Variants in SLC4A4 observed in about 807,000 individuals in gnomAD.
SLC4A4 encodes electrogenic sodium bicarbonate cotransporter 1.
Under a neutral mutation model 111.5 loss-of-function variants are expected in SLC4A4, and 27 were observed. The ratio of observed to expected loss-of-function variants is 0.24; its 90% confidence interval spans 0.18 to 0.33. The LOEUF is 0.33. Among genes scored for constraint, SLC4A4 ranks in the 10% least tolerant of loss-of-function variants. The probability of loss-of-function intolerance (pLI) is 1.00; values close to 1 mark genes in which losing one functional copy is unlikely to be tolerated. For synonymous variants in SLC4A4, 443 were observed against 463.4 expected, an observed-to-expected ratio of 0.96 and a Z score of 0.57; for missense variants, 909 against 1,315.5, an observed-to-expected ratio of 0.69 and a Z score of 4.78.
chr4:71,422,649 G>T (rs1722660447), intron 7 of SLC4A4, among the ~76,000 whole-genome samples: 1 of 151,706 alleles, frequency 6.6e-6, no homozygotes. Context: ...GTGATCAAGT[G>T]GGCTTCATCC....
intron 1 of SLC4A4, among the ~76,000 whole-genome samples, chr4:71,088,929 T>A (rs1386577364): frequency 6.6e-5 from 10 of 152,004 alleles, no homozygotes; most frequent in Admixed American, 3.9e-4. Flanking sequence ...TTCTTTGTAT[T>A]TCCTGAATTT....
At chr4:71,425,125 G>A (rs1438841994) in intron 7 of SLC4A4, among the ~76,000 whole-genome samples, 3 of 152,080 alleles carry the variant, frequency 2.0e-5, no homozygotes, top group African/African-American at 2.4e-5. Flanking sequence ...GGAATGTTGA[G>A]GTGTGTTTAA....
intron 16 of SLC4A4, among the ~76,000 whole-genome samples, chr4:71,531,678 G>T (rs1203625956): frequency 6.6e-6 from 1 of 151,348 alleles, no homozygotes; most frequent in South Asian, 2.1e-4. Context: ...TCTTATGCAG[G>T]TGACCTTCAT....
Position 71,570,918 on chromosome 4 carries a change from G to A in SLC4A4, c.*3167G>A, listed in dbSNP as rs191582862. 7 of 152,218 alleles carry A rather than the reference G, an allele frequency of 4.6e-5. No individual in the cohort carries two copies. Among genetic ancestry groups the A allele is most frequent in the Admixed American group, 1.3e-4 (2 of 15,202 alleles). The allele number at this position is 152,218 out of a possible 1,614,324, so 9.4% of individuals were successfully genotyped here. ...TCTCCCAATCAAGGTTGAGGAGTGG[G>A]GCTGGGGAGAGGACTTAACTGACTT... is the stretch of plus-strand genomic sequence containing the variant. On this transcript the variant is annotated 3_prime_UTR_variant, in exon 26 of 26. Transcript: ENST00000264485.
intron 7 of SLC4A4, among the ~76,000 whole-genome samples, chr4:71,429,192 A>G (rs6810738): frequency 0.14 from 21,670 of 152,088 alleles, 2,171 homozygotes; most frequent in African/African-American, 0.28. Context: ...ACCCATATAG[A>G]TAACCTAAAA....
intron 7 of SLC4A4, among the ~76,000 whole-genome samples, chr4:71,408,591 A>C (rs532293831): frequency 6.6e-6 from 1 of 152,240 alleles, no homozygotes; most frequent in African/African-American, 2.4e-5. Context: ...CTCTATCCAC[A>C]CTGTAAAGAA....
intron 1 of SLC4A4, among the ~76,000 whole-genome samples, chr4:71,207,314 A>G (rs937602471): frequency 1.3e-5 from 2 of 152,216 alleles, no homozygotes; most frequent in Non-Finnish European, 2.9e-5. Context: ...CTGCTTTAGT[A>G]TGTCTAGACA....
chr4:71,197,771 T>C (rs1307508880), intron 1 of SLC4A4, among the ~76,000 whole-genome samples: 3 of 152,218 alleles, frequency 2.0e-5, no homozygotes, highest in Admixed American at 6.5e-5. Flanking sequence ...ATACTTGCTC[T>C]GAAGAAATAT....
intron 3 of SLC4A4, among the ~76,000 whole-genome samples, chr4:71,311,164 C>A (rs982791681): frequency 2.0e-5 from 3 of 152,112 alleles, no homozygotes; most frequent in African/African-American, 7.2e-5. Flanking sequence ...TATATATGCA[C>A]CCAATACAGG....
At chr4:71,398,950 A>G (rs1410738089) in intron 7 of SLC4A4, among the ~76,000 whole-genome samples, 3 of 152,222 alleles carry the variant, frequency 2.0e-5, no homozygotes, top group Non-Finnish European at 4.4e-5. Context: ...CATGGATTCA[A>G]CCAACCATGG....
chr4:71,339,692 C>T lies in SLC4A4; in HGVS notation c.389+187C>T, dbSNP rs1158758480. On this transcript the variant is annotated intron_variant, in intron 4 of 25. Coordinates refer to ENST00000264485, the MANE Select transcript of SLC4A4 (RefSeq NM_001098484.3). ...TTTTGTTGACATGAATGCAGGGCACCTCTTATTTCACTATTGGGGCATTGT... is the reference window on the plus strand; with the variant it reads ...TTTTGTTGACATGAATGCAGGGCACTTCTTATTTCACTATTGGGGCATTGT... Among the ~76,000 whole-genome samples the T allele has an allele frequency of 4.6e-5, 7 of 152,182 alleles. No homozygotes were observed. In the East Asian group the frequency reaches 1.4e-3, roughly 29 times the overall value.
intron 1 of SLC4A4, among the ~76,000 whole-genome samples, chr4:71,083,527 T>A (rs1742053608): frequency 1.3e-5 from 2 of 152,040 alleles, no homozygotes; most frequent in Non-Finnish European, 1.5e-5. Flanking sequence ...TTACCTTATT[T>A]GTCTCCAATG....
chr4:71,488,364 A>G (rs1199129541), intron 15 of SLC4A4, among the ~76,000 whole-genome samples: 1 of 151,582 alleles, frequency 6.6e-6, no homozygotes, highest in South Asian at 2.1e-4. Context: ...ATTGATATGT[A>G]TTAAAACAAA....
At chr4:71,279,739 A>G (rs375718630) in intron 3 of SLC4A4, among the ~76,000 whole-genome samples, 12 of 152,256 alleles carry the variant, frequency 7.9e-5, no homozygotes, top group African/African-American at 2.9e-4. Flanking sequence ...TATTCCTATT[A>G]ACAGTGTATG....
chr4:71,100,144 C>T (rs1180872207), intron 2 of SLC4A4, among the ~76,000 whole-genome samples: 9 of 151,916 alleles, frequency 5.9e-5, no homozygotes, highest in African/African-American at 2.2e-4. Flanking sequence ...GTCATAGATG[C>T]AACAAAAAAA....
intron 4 of SLC4A4, among the ~76,000 whole-genome samples, chr4:71,347,025 G>A (rs1047073710): frequency 6.6e-5 from 10 of 152,010 alleles, no homozygotes; most frequent in Admixed American, 3.3e-4. Flanking sequence ...GGCTAGTTTT[G>A]AGAATTTATA....
rs937113663 is a variant in SLC4A4 at position 71,301,180 on chromosome 4, T to C, written c.254-38190T>C. The C allele has an allele frequency of 4.4e-5, 13 of 296,736 alleles. No homozygotes were observed. In the East Asian group the frequency reaches 1.3e-3, roughly 29 times the overall value. 18.4% of individuals were successfully genotyped at this position (296,736 alleles called of 1,614,324 possible). On this transcript the variant is annotated intron_variant, in intron 3 of 25. Transcript: ENST00000264485. ...TAGATAGGAGCAGCATCAAGGTCCA[T>C]TACACTCATACCCACACCAGACCTT...
At position 71,447,675 on chromosome 4, in the gene SLC4A4, G is replaced by C. The variant is rs572285443; in HGVS notation, c.995G>C (p.Gly332Ala). Residue 332 changes from glycine (G) to alanine (A), a missense_variant, in exon 9 of 26, where the codon GGG becomes GCG. Gly to Ala is a moderately conservative substitution (Grantham distance 60, BLOSUM62 0). Coordinates refer to ENST00000264485, the MANE Select transcript of SLC4A4 (RefSeq NM_001098484.3). ...TTGTTCATTCTCTTAGGTCCTAAGG[G>C]GAAAGCCAAGTCCTACCACGAGATT... ...RFLFILLGPK[G>A]KAKSYHEIGR... 1 of 1,612,836 alleles carries C rather than the reference G, an allele frequency of 6.2e-7. No homozygotes were observed. The highest frequency in any genetic ancestry group is 8.5e-7 in the Non-Finnish European group (1 of 1,179,076).
chr4:71,517,039 A>G (rs1375587183), intron 16 of SLC4A4, among the ~76,000 whole-genome samples: 1 of 151,954 alleles, frequency 6.6e-6, no homozygotes, highest in African/African-American at 2.4e-5. Context: ...TCTTTGTATT[A>G]TATTTTTTGT....
Sources: gnomAD v4.1 joint callset for allele counts (sites outside exome capture counted in the v4.1 genomes callset) on GRCh38, gnomAD v4.1.1 for gene constraint, MANE v1.5 for transcripts, NCBI Gene and HGNC (gene_info 2026-07-23, HGNC 2026-07-21) for gene names.